The following ZSCAN5A variants were observed in gnomAD, a reference collection of about 807,000 sequenced individuals.
ZSCAN5A encodes zinc finger and SCAN domain-containing protein 5A.
Under a neutral mutation model 23.7 loss-of-function variants are expected in ZSCAN5A, and 12 were observed. The ratio of observed to expected loss-of-function variants is 0.51; its 90% CI spans 0.32 to 0.82. The LOEUF is 0.82. Among genes scored for constraint, ZSCAN5A ranks in the 40% least tolerant of loss-of-function variants. ZSCAN5A has a pLI of 0.03. For missense variants in ZSCAN5A, 597 were observed against 617.9 expected (o/e 0.97, Z 0.36); for synonymous variants, 257 against 239.9 (o/e 1.07, Z -0.66).
chr19:56,266,310 T>G (rs2146908340), intron 2 of ZSCAN5A: 1 of 152,222 alleles, frequency 6.6e-6, no homozygotes, highest in East Asian at 1.9e-4. Context: ...AAGCTCCCGC[T>G]CTTTCTGCCA....
chr19:56,231,821 CTCATGAAG>C (rs1040950016), intron 2 of ZSCAN5A, among the ~76,000 whole-genome samples: 5 of 152,110 alleles, frequency 3.3e-5, no homozygotes, highest in African/African-American at 1.2e-4. Flanking sequence ...TTTGTACATA[CTCATGAAG>C]TCATTGCCGT....
rs59525392 is a variant in ZSCAN5A at position 56,231,996 on chromosome 19, C to CT, written c.-127-6824dup. Among the ~76,000 whole-genome samples, 9 of 124,974 alleles carry CT rather than the reference C, an allele frequency of 7.2e-5. 2 individuals are homozygous for CT. The highest frequency in any genetic ancestry group is 5.0e-4 in the South Asian group (2 of 4,002). The allele number at this position is 124,974 out of a possible 152,430, so 82.0% of individuals were successfully genotyped here. A position where few individuals can be genotyped will look rare whatever the true frequency, so the allele number is the denominator to read the frequency against. ...TCTTTTTTCTTTCTTTTTTTCTTTTCTTTTTTTTTGAGACAGTGTCTTGCT... is the reference window on the plus strand; with the variant it reads ...TCTTTTTTCTTTCTTTTTTTCTTTTCTTTTTTTTTTGAGACAGTGTCTTGCT... On this transcript the variant is annotated intron_variant, in intron 2 of 5. Transcript: ENST00000683990.
At chr19:56,233,646 T>C (rs2034646941) in intron 2 of ZSCAN5A, among the ~76,000 whole-genome samples, 1 of 151,970 alleles carries the variant, frequency 6.6e-6, no homozygotes, top group Non-Finnish European at 1.5e-5. Flanking sequence ...CCAACTTTTT[T>C]TCACAGCTGC....
At chr19:56,233,550 G>C (rs1473840455) in intron 2 of ZSCAN5A, among the ~76,000 whole-genome samples, 2 of 150,704 alleles carry the variant, frequency 1.3e-5, no homozygotes, top group East Asian at 3.9e-4. Context: ...GAAAGTTCTT[G>C]TACCAAACCA....
intron 2 of ZSCAN5A, among the ~76,000 whole-genome samples, chr19:56,291,117 C>T (rs531676580): frequency 6.6e-6 from 1 of 152,156 alleles, no homozygotes; most frequent in Non-Finnish European, 1.5e-5. Flanking sequence ...TGGCATATCA[C>T]GTCCCCGAGC....
intron 2 of ZSCAN5A, among the ~76,000 whole-genome samples, chr19:56,249,270 A>G (rs2036175793): frequency 6.6e-6 from 1 of 152,076 alleles, no homozygotes; most frequent in Non-Finnish European, 1.5e-5. Flanking sequence ...ATTGAAAAAT[A>G]GACTTCATTT....
rs368007047 is a variant in ZSCAN5A at position 56,355,244 on chromosome 19, T to C, written c.-358+7991A>G. Among the ~76,000 whole-genome samples the C allele has an allele frequency of 6.8e-4, 101 of 148,852 alleles. 14 individuals are homozygous for C. Among genetic ancestry groups the C allele is most frequent in the African/African-American group, 2.1e-3 (82 of 39,620 alleles). ...AGTAAGTGTGAACTTTTTCTCATGA[T>C]AGATTATTGCTTAAATCAAAACTTA... On this transcript the variant is annotated intron_variant, in intron 2 of 6. Coordinates refer to the ZSCAN5A transcript ENST00000587340.
chr19:56,234,147 G>A lies in ZSCAN5A; in HGVS notation c.-127-8974C>T. ...TAGCAGCCAATTCGTCAGTGAATGA[G>A]GCAGAGAAATTGGTAAAAAGAAGGA... On this transcript the variant is annotated intron_variant, in intron 2 of 5. Coordinates refer to ENST00000683990, the MANE Select transcript of ZSCAN5A (RefSeq NM_001322064.3). Among the ~76,000 whole-genome samples, 2 of 152,178 alleles carry A rather than the reference G, an allele frequency of 1.3e-5. 1 individual carries two copies. Among genetic ancestry groups the A allele is most frequent in the South Asian group, 4.1e-4 (2 of 4,834 alleles).
intron 2 of ZSCAN5A, among the ~76,000 whole-genome samples, chr19:56,265,363 T>C (rs1247902883): frequency 1.3e-5 from 2 of 148,492 alleles, no homozygotes; most frequent in Non-Finnish European, 3.0e-5. Flanking sequence ...GCATCTAGTA[T>C]GCACCTATAC....
intron 2 of ZSCAN5A, among the ~76,000 whole-genome samples, chr19:56,254,563 A>C (rs897637641): frequency 6.6e-6 from 1 of 152,202 alleles, no homozygotes; most frequent in Non-Finnish European, 1.5e-5. Context: ...TGCAATGAAC[A>C]TAGGAGTATG....
rs150961866 is a variant in ZSCAN5A, at chr19:56,256,432, G to C, written c.-127-31259C>G. On this transcript the variant is annotated intron_variant, in intron 2 of 5. Transcript: ENST00000683990. Reference sequence around the variant, plus strand: ...TGGTCTTGAACTCCTGAGCTCAAGTGATCCTCCCACCTTAGCCTCCCAACC... The same window carrying C: ...TGGTCTTGAACTCCTGAGCTCAAGTCATCCTCCCACCTTAGCCTCCCAACC... Among the ~76,000 whole-genome samples the C allele has an allele frequency of 5.3e-3, 810 of 152,222 alleles. 10 individuals are homozygous for C. Among genetic ancestry groups the C allele is most frequent in the African/African-American group, 0.019 (777 of 41,514 alleles).
chr19:56,323,186 G>GCC (rs1360693844), intron 2 of ZSCAN5A, among the ~76,000 whole-genome samples: 1 of 151,936 alleles, frequency 6.6e-6, no homozygotes, highest in Non-Finnish European at 1.5e-5. Flanking sequence ...GAGCCACCGC[G>GCC]CCCGGCCTTG....
intron 2 of ZSCAN5A, among the ~76,000 whole-genome samples, chr19:56,231,771 T>A (rs2195975): frequency 0.5 from 76,606 of 151,976 alleles, 19,938 homozygotes; most frequent in South Asian, 0.6. Context: ...CTCCTCTAGC[T>A]GGTTCCTGTG....
chr19:56,346,894 A>G (rs779444721), intron 2 of ZSCAN5A, among the ~76,000 whole-genome samples: 7 of 151,760 alleles, frequency 4.6e-5, no homozygotes, highest in Non-Finnish European at 1.0e-4. Flanking sequence ...TGCCCGGCCA[A>G]TTTTTTGTAT....
At chr19:56,248,923 C>T (rs1177687204) in intron 2 of ZSCAN5A, among the ~76,000 whole-genome samples, 1 of 152,152 alleles carries the variant, frequency 6.6e-6, no homozygotes, top group Non-Finnish European at 1.5e-5. Flanking sequence ...TTCATTAGGG[C>T]TCGCTCTGGG....
chr19:56,324,090 A>G (rs1007607971), intron 2 of ZSCAN5A, among the ~76,000 whole-genome samples: 3 of 151,966 alleles, frequency 2.0e-5, no homozygotes, highest in South Asian at 4.2e-4. Flanking sequence ...ATTCTATCCA[A>G]CTGTATTTTT....
intron 2 of ZSCAN5A, among the ~76,000 whole-genome samples, chr19:56,257,123 G>T (rs887154276): frequency 1.3e-5 from 2 of 152,220 alleles, no homozygotes; most frequent in African/African-American, 2.4e-5. Context: ...AAGACAGAGT[G>T]TGGAGAGAAG....
At chr19:56,228,613 TAAA>T (rs1182749052) in intron 2 of ZSCAN5A, among the ~76,000 whole-genome samples, 1 of 152,114 alleles carries the variant, frequency 6.6e-6, no homozygotes, top group Non-Finnish European at 1.5e-5. Context: ...TCCTAACAAG[TAAA>T]GAACATGTTA....
At chr19:56,321,091 G>C (rs776684351) in intron 2 of ZSCAN5A, 6 of 696,078 alleles carry the variant, frequency 8.6e-6, no homozygotes, top group Non-Finnish European at 1.6e-5. Context: ...TGCAGATTTG[G>C]GATCTGTAAC....
Sources: allele counts gnomAD v4.1 joint callset (sites outside exome capture counted in the v4.1 genomes callset), GRCh38; gene constraint gnomAD v4.1.1; transcripts MANE v1.5; gene names NCBI Gene and HGNC (gene_info 2026-07-23, HGNC 2026-07-21).